Variants in NFX1 observed in about 807,000 individuals in gnomAD.
NFX1 encodes the protein nuclear transcription factor, X-box binding 1.
NFX1 carries 69 observed loss-of-function variants against 137.2 expected under a neutral mutation model. The ratio of observed to expected loss-of-function variants is 0.50; its 90% CI spans 0.41 to 0.61. The LOEUF (loss-of-function observed/expected upper bound fraction) is 0.61. Among genes scored for constraint, NFX1 ranks in the 20% least tolerant of loss-of-function variants. NFX1 has a pLI of 0.00. For missense variants in NFX1, 1,167 were observed against 1,391.0 expected, an observed-to-expected ratio of 0.84 and a Z score of 2.56; for synonymous variants, 495 against 474.1, an observed-to-expected ratio of 1.04 and a Z score of -0.57.
chr9:33,295,085 TA>T lies in NFX1; in HGVS notation c.692del (p.Tyr231LeufsTer94). 1 of 1,613,852 alleles carries T rather than the reference TA, an allele frequency of 6.2e-7. No homozygotes were observed. The highest frequency in any genetic ancestry group is 8.5e-7 in the Non-Finnish European group (1 of 1,179,972). On this transcript the variant is annotated frameshift_variant, in exon 2 of 24. Coordinates refer to ENST00000379540, the MANE Select transcript of NFX1 (RefSeq NM_002504.6). LOFTEE classifies it high-confidence loss of function. Reference sequence around the variant, plus strand: ...CTCTAGAAAAGGAGTATTGGATGGGTATGGAGCCAGACGAAATGAGCAGAGA... The same window carrying T: ...CTCTAGAAAAGGAGTATTGGATGGGTTGGAGCCAGACGAAATGAGCAGAGA... ...ASSRKGVLDG[Y>X]GARRNEQRRY...
intron 21 of NFX1, chr9:33,365,002 AGT>A: frequency 7.5e-7 from 1 of 1,339,560 alleles, no homozygotes. Flanking sequence ...GGCTGGGCAC[AGT>A]GTCTCATGCC....
chr9:33,341,945 GTC>G (rs1487518921), intron 12 of NFX1, among the ~76,000 whole-genome samples: 3 of 151,880 alleles, frequency 2.0e-5, no homozygotes, highest in African/African-American at 7.3e-5. Context: ...GGTGAACCCT[GTC>G]TCTACTAGAA....
chr9:33,350,011 AAAAC>A (rs900825693), intron 15 of NFX1, among the ~76,000 whole-genome samples: 7 of 152,120 alleles, frequency 4.6e-5, no homozygotes, highest in Non-Finnish European at 8.8e-5. Flanking sequence ...TGCCTCAAAA[AAAAC>A]AAAACAGGCC....
intron 2 of NFX1, among the ~76,000 whole-genome samples, chr9:33,300,581 C>G (rs761079803): frequency 4.6e-5 from 7 of 152,138 alleles, no homozygotes; most frequent in Non-Finnish European, 1.0e-4. Flanking sequence ...TCTAGAAAGA[C>G]TTTGCTGCAA....
intron 3 of NFX1, among the ~76,000 whole-genome samples, 189 bp from the exon 4 acceptor site, chr9:33,303,002 T>G (rs1821629824): frequency 6.6e-6 from 1 of 151,140 alleles, no homozygotes; most frequent in South Asian, 2.1e-4. Flanking sequence ...ACCCCATATT[T>G]AGTGGAAAAT....
intron 14 of NFX1, 29 bp downstream of exon 14, chr9:33,344,217 G>T (rs1398566748): frequency 1.2e-6 from 2 of 1,612,608 alleles, no homozygotes; most frequent in East Asian, 2.2e-5. Context: ...TCACACTTCA[G>T]CCTGCTCACA....
At chr9:33,344,790 C>T (rs889292066) in intron 14 of NFX1, among the ~76,000 whole-genome samples, 3 of 151,338 alleles carry the variant, frequency 2.0e-5, no homozygotes, top group East Asian at 2.0e-4. Context: ...CACTTGAACC[C>T]GGGAGGCAGA....
rs775981113 is a variant in NFX1, at chr9:33,294,475, T to G, written c.81T>G (p.Asn27Lys). The G allele has an allele frequency of 6.2e-7, 1 of 1,604,544 alleles. No homozygotes were observed. The highest frequency in any genetic ancestry group is 2.2e-5 in the East Asian group (1 of 44,844). The change falls in exon 2 of 24, where the codon AAT becomes AAG. Residue 27 changes from asparagine (N) to lysine (K), a missense_variant. Coordinates refer to ENST00000379540, the MANE Select transcript of NFX1 (RefSeq NM_002504.6). The stretch of plus-strand genomic sequence containing the variant: ...AATTCATTCCTCAGGAGAAAAAAAA[T>G]TCTGGTCTAAATTGTGGGACTCAAA... ...AAEFIPQEKK[N>K]SGLNCGTQRR...
chr9:33,335,684 G>T (rs2118523370), intron 11 of NFX1, among the ~76,000 whole-genome samples: 1 of 152,232 alleles, frequency 6.6e-6, no homozygotes, highest in South Asian at 2.1e-4. Flanking sequence ...AGGAAGCCCT[G>T]TATTAATTAA....
chr9:33,349,482 T>C (rs904187092), intron 15 of NFX1, among the ~76,000 whole-genome samples: 2 of 152,174 alleles, frequency 1.3e-5, no homozygotes, highest in Non-Finnish European at 2.9e-5. Context: ...TACTAAAATA[T>C]GGATTCCAGT....
intron 19 of NFX1, 114 bp downstream of exon 19, chr9:33,355,006 G>T: frequency 1.0e-6 from 1 of 966,124 alleles, no homozygotes; most frequent in Non-Finnish European, 1.6e-6. Context: ...GTCTTTTACC[G>T]TTATCAAAGA....
chr9:33,323,495 C>G (rs1396791608), intron 9 of NFX1, among the ~76,000 whole-genome samples: 4 of 152,164 alleles, frequency 2.6e-5, no homozygotes, highest in African/African-American at 9.7e-5. Context: ...TGGCTCACGC[C>G]TGTAATCCCA....
At chr9:33,332,638 C>A in intron 11 of NFX1, 136 bp downstream of exon 11, 4 of 546,192 alleles carry the variant, frequency 7.3e-6, no homozygotes, top group South Asian at 3.2e-5. Flanking sequence ...ACTTTCACCT[C>A]AAAAGGAAAA....
rs760911598 is a variant in NFX1 at position 33,366,670 on chromosome 9, C to T, written c.3081C>T (p.Asn1027=). 2 of 1,614,176 alleles carry T rather than the reference C, an allele frequency of 1.2e-6. No homozygotes were observed. The highest frequency in any genetic ancestry group is 1.1e-5 in the South Asian group (1 of 91,088). The change falls in exon 22 of 24, where the codon AAC becomes AAT. Residue 1027 remains asparagine (N), a synonymous_variant. Transcript: ENST00000379540. ...SKKSHSFPPM[N]RDHRRIIHDL... ...AAAGCCACAGCTTCCCTCCCATGAACAGAGACCACCGCCGGATCATCCATG... is the reference window on the plus strand; with the variant it reads ...AAAGCCACAGCTTCCCTCCCATGAATAGAGACCACCGCCGGATCATCCATG...
At chr9:33,315,029 C>G (rs1393350642) in intron 7 of NFX1, among the ~76,000 whole-genome samples, 1 of 152,104 alleles carries the variant, frequency 6.6e-6, no homozygotes, top group Non-Finnish European at 1.5e-5. Context: ...TTTTTCTCTT[C>G]CTCTCCATTA....
intron 19 of NFX1, among the ~76,000 whole-genome samples, chr9:33,357,781 G>A (rs563857361): frequency 8.0e-5 from 12 of 150,866 alleles, no homozygotes; most frequent in African/African-American, 2.7e-4. Context: ...TCTGGCTCAA[G>A]CGAACCTCCT....
rs377685245 is a variant in NFX1 at position 33,313,621 on chromosome 9, C to T, written c.1449-33C>T. On this transcript the variant is annotated intron_variant, in intron 6 of 23. Coordinates refer to ENST00000379540, the MANE Select transcript of NFX1 (RefSeq NM_002504.6). ...TGGTTGTCCAACAGGAACTTTTACACTGATGCTGTCTTTACATCTATTGTC... is the reference window on the plus strand; with the variant it reads ...TGGTTGTCCAACAGGAACTTTTACATTGATGCTGTCTTTACATCTATTGTC... 2.4e-5 allele frequency: 39 copies of T among 1,608,780 alleles called. No individual in the cohort carries two copies. The Middle Eastern group carries it at 6.6e-4, about 27-fold the overall frequency.
chr9:33,359,432 C>G (rs1298474346), intron 19 of NFX1, among the ~76,000 whole-genome samples: 1 of 152,052 alleles, frequency 6.6e-6, no homozygotes, highest in Non-Finnish European at 1.5e-5. Context: ...AACCCTGTCT[C>G]TACTAAAAAT....
intron 17 of NFX1, among the ~76,000 whole-genome samples, chr9:33,353,108 A>G (rs1188962890): frequency 6.6e-6 from 1 of 152,216 alleles, no homozygotes; most frequent in African/African-American, 2.4e-5. Context: ...GTGCTGCTTT[A>G]TATACCTTTT....
Sources: allele counts gnomAD v4.1 joint callset (sites outside exome capture counted in the v4.1 genomes callset), GRCh38; gene constraint gnomAD v4.1.1; transcripts MANE v1.5; gene names NCBI Gene and HGNC (gene_info 2026-07-23, HGNC 2026-07-21).